CD200: variants seen among roughly 807,000 people sequenced by gnomAD.
CD200 encodes the protein OX-2 membrane glycoprotein.
A neutral mutation model predicts 30.9 loss-of-function variants in CD200; 15 were observed. The observed-to-expected ratio is 0.49, with a 90% confidence interval of 0.32 to 0.75. The LOEUF (loss-of-function observed/expected upper bound fraction) is 0.75, where lower values mean the gene tolerates loss of function less well. CD200 is among the 30% of genes least tolerant of loss of function. The pLI is 0.03. For missense variants in CD200, 262 were observed against 324.2 expected (o/e 0.81, Z 1.47); for synonymous variants, 134 against 126.2 (o/e 1.06, Z -0.41).
intron 1 of CD200, among the ~76,000 whole-genome samples, chr3:112,337,871 AT>A (rs1290613515): frequency 1.3e-5 from 2 of 152,202 alleles, no homozygotes; most frequent in African/African-American, 4.8e-5. Flanking sequence ...ATATTTGCAT[AT>A]AACCTATGCA....
At chr3:112,349,080 C>T (rs1205393523) in intron 4 of CD200, among the ~76,000 whole-genome samples, 2 of 152,080 alleles carry the variant, frequency 1.3e-5, no homozygotes, top group African/African-American at 4.8e-5. Context: ...GTGACGAATC[C>T]CATTATGGAG....
At chr3:112,358,380 G>A (rs1391479015) in intron 5 of CD200, among the ~76,000 whole-genome samples, 1 of 152,206 alleles carries the variant, frequency 6.6e-6, no homozygotes, top group Non-Finnish European at 1.5e-5. Flanking sequence ...GGACCCACTG[G>A]GGAGACAGAA....
chr3:112,337,189 G>A (rs1337865603), intron 1 of CD200, among the ~76,000 whole-genome samples: 1 of 152,122 alleles, frequency 6.6e-6, no homozygotes, highest in Non-Finnish European at 1.5e-5. Context: ...TGGAAGCTGT[G>A]GCATGGCAGA....
intron 1 of CD200, among the ~76,000 whole-genome samples, chr3:112,339,448 G>T (rs1237926083): frequency 6.6e-6 from 1 of 152,176 alleles, no homozygotes. Context: ...TTGTAGGCTG[G>T]GAGAGCAAAA....
chr3:112,332,655 C>G (rs371492037), upstream of CD200: 227 of 180,590 alleles, frequency 1.3e-3, no homozygotes, highest in African/African-American at 5.2e-3. Flanking sequence ...ATCATTAATG[C>G]AAGTGGAAGG....
Position 112,361,631 on chromosome 3 carries a change from A to G in CD200, c.*81A>G. On this transcript the variant is annotated 3_prime_UTR_variant, in exon 6 of 6. Coordinates refer to ENST00000315711, the MANE Select transcript of CD200 (RefSeq NM_005944.7). ...GAGAAAAGCAGGAGGAAAAGGGGCC[A>G]TTCTCCAAAGGACCTGAAAGAGCAA... 17 of 1,305,050 alleles carry G rather than the reference A, an allele frequency of 1.3e-5. No homozygotes were observed. The highest frequency in any genetic ancestry group is 1.9e-5 in the Non-Finnish European group (17 of 898,344). 80.8% of individuals were successfully genotyped at this position (1,305,050 alleles called of 1,614,324 possible). A position where few individuals can be genotyped will look rare whatever the true frequency, so the allele number is the denominator to read the frequency against.
chr3:112,341,397 A>T (rs1009038148), intron 2 of CD200, among the ~76,000 whole-genome samples: 10 of 152,354 alleles, frequency 6.6e-5, no homozygotes, highest in Non-Finnish European at 1.3e-4. Context: ...GTAGAAAACA[A>T]CGAAATGTAG....
chr3:112,356,984 G>A (rs963098152), intron 5 of CD200, among the ~76,000 whole-genome samples: 1 of 152,160 alleles, frequency 6.6e-6, no homozygotes, highest in East Asian at 1.9e-4. Context: ...CCTAATGGCC[G>A]GGCGCGGTGG....
chr3:112,361,124 T>C (rs1049692669), intron 5 of CD200, among the ~76,000 whole-genome samples: 1 of 152,068 alleles, frequency 6.6e-6, no homozygotes. Flanking sequence ...GCAGCCCCAA[T>C]CTCCTGAGCT....
chr3:112,341,584 G>A (rs1295904307), intron 2 of CD200, among the ~76,000 whole-genome samples: 3 of 152,160 alleles, frequency 2.0e-5, no homozygotes, highest in East Asian at 1.9e-4. Context: ...ACAGATGTGG[G>A]TGATGCTGGT....
chr3:112,349,768 G>T lies in CD200; in HGVS notation c.751G>T (p.Val251Phe), dbSNP rs148317970. Residue 251 changes from valine to phenylalanine, a missense_variant, in exon 5 of 6, where the codon GTC becomes TTC. Coordinates refer to ENST00000315711, the MANE Select transcript of CD200 (RefSeq NM_005944.7). ...LSIVSLVILL[V>F]LISILLYWKR... ...CATTGTTTCCCTGGTAATTCTTCTCGTCCTAATCTCAATCTTACTGTACTG... is the reference window on the plus strand; with the variant it reads ...CATTGTTTCCCTGGTAATTCTTCTCTTCCTAATCTCAATCTTACTGTACTG... 1.2e-6 allele frequency: 2 copies of T among 1,611,368 alleles called. No individual in the cohort carries two copies. The highest frequency in any genetic ancestry group is 8.5e-7 in the Non-Finnish European group (1 of 1,178,660).
intron 2 of CD200, among the ~76,000 whole-genome samples, 177 bp from the exon 3 acceptor site, chr3:112,344,785 A>T (rs1199198600): frequency 6.6e-6 from 1 of 152,252 alleles, no homozygotes; most frequent in Non-Finnish European, 1.5e-5. Flanking sequence ...TTGAACAAAC[A>T]TATTTGAACC....
At chr3:112,355,389 CT>C (rs540937528) in intron 5 of CD200, among the ~76,000 whole-genome samples, 18 of 151,892 alleles carry the variant, frequency 1.2e-4, no homozygotes, top group South Asian at 1.0e-3. Flanking sequence ...ATTACAAAAA[CT>C]TTTTTTTTCT....
chr3:112,333,079 G>A, upstream of CD200: 3 of 1,354,380 alleles, frequency 2.2e-6, no homozygotes, highest in South Asian at 1.3e-5. Flanking sequence ...AAACGGAGTG[G>A]GAGAAGGGGG....
rs1204533552 is a variant in CD200 at position 112,340,785 on chromosome 3, T to C, written c.13-117T>C. 12 of 676,746 alleles carry C rather than the reference T, an allele frequency of 1.8e-5. No individual in the cohort carries two copies. The Admixed American group carries it at 2.7e-4, about 15-fold the overall frequency. 41.9% of individuals were successfully genotyped at this position (676,746 alleles called of 1,614,324 possible). A position where few individuals can be genotyped will look rare whatever the true frequency, so the allele number is the denominator to read the frequency against. ...TAGTTCTGCTCCCACAAAACCAAAA[T>C]TCTCTGGGGGGTAAAAACTTAGCTA... On this transcript the variant is annotated intron_variant, in intron 1 of 5. Coordinates refer to ENST00000315711, the MANE Select transcript of CD200 (RefSeq NM_005944.7).
At chr3:112,349,975 C>A in intron 5 of CD200, 156 bp downstream of exon 5, 1 of 985,102 alleles carries the variant, frequency 1.0e-6, no homozygotes, top group Non-Finnish European at 1.2e-6. Flanking sequence ...TTTTAAAATG[C>A]GTCGGGGCAT....
chr3:112,355,660 A>G (rs2081610862), intron 5 of CD200, among the ~76,000 whole-genome samples: 1 of 152,194 alleles, frequency 6.6e-6, no homozygotes, highest in African/African-American at 2.4e-5. Context: ...GAGTCATGTT[A>G]TGAGGTCATT....
intron 1 of CD200, among the ~76,000 whole-genome samples, chr3:112,336,478 T>G (rs751998070): frequency 2.0e-5 from 3 of 151,174 alleles, no homozygotes; most frequent in Non-Finnish European, 4.4e-5. Flanking sequence ...GGGAAGTCAT[T>G]GTATCTAAAA....
chr3:112,338,680 A>G (rs1576586877), intron 1 of CD200, among the ~76,000 whole-genome samples: 1 of 152,218 alleles, frequency 6.6e-6, no homozygotes, highest in Non-Finnish European at 1.5e-5. Flanking sequence ...GCTTTTTAAA[A>G]ACAGCTTCAA....
Sources: allele counts gnomAD v4.1 joint callset (sites outside exome capture counted in the v4.1 genomes callset), GRCh38; gene constraint gnomAD v4.1.1; transcripts MANE v1.5; gene names NCBI Gene and HGNC (gene_info 2026-07-23, HGNC 2026-07-21).